The following AFG1L variants were observed in gnomAD, a reference collection of about 807,000 sequenced individuals.
AFG1L encodes the protein AFG1-like ATPase.
Under a neutral mutation model 62.2 loss-of-function variants are expected in AFG1L, and 53 were observed. The ratio of observed to expected loss-of-function variants is 0.85; its 90% confidence interval spans 0.68 to 1.07. The LOEUF (loss-of-function observed/expected upper bound fraction) is 1.07, where lower values mean the gene tolerates loss of function less well. AFG1L is among the 50% of genes least tolerant of loss of function. The pLI is 0.00. For synonymous variants in AFG1L, 228 were observed against 210.3 expected, an observed-to-expected ratio of 1.08 and a Z score of -0.73; for missense variants, 555 against 590.5, an observed-to-expected ratio of 0.94 and a Z score of 0.62.
intron 1 of AFG1L, among the ~76,000 whole-genome samples, chr6:108,316,754 A>G (rs534400229): frequency 7.3e-4 from 111 of 152,032 alleles, no homozygotes; most frequent in Middle Eastern, 6.8e-3. Flanking sequence ...GGATGGTCTC[A>G]ATCTCCTGAC....
intron 10 of AFG1L, among the ~76,000 whole-genome samples, chr6:108,508,978 G>A (rs1354362874): frequency 6.6e-6 from 1 of 152,174 alleles, no homozygotes; most frequent in Non-Finnish European, 1.5e-5. Context: ...AGCTTCCAGA[G>A]GGACTTCAGA....
intron 12 of AFG1L, chr6:108,521,942 C>T (rs1775141226): frequency 5.7e-6 from 1 of 173,934 alleles, no homozygotes; most frequent in Non-Finnish European, 1.2e-5. Flanking sequence ...AGAGGTTTGT[C>T]CTTAGGGCCT....
intron 8 of AFG1L, among the ~76,000 whole-genome samples, chr6:108,450,532 T>C (rs1239802678): frequency 6.6e-6 from 1 of 152,222 alleles, no homozygotes; most frequent in Non-Finnish European, 1.5e-5. Context: ...GCAAAAATTT[T>C]CTCCCATTCT....
chr6:108,305,550 G>A (rs913364027), intron 1 of AFG1L, among the ~76,000 whole-genome samples: 3 of 151,948 alleles, frequency 2.0e-5, no homozygotes, highest in Admixed American at 1.3e-4. Flanking sequence ...CAGTACGCCC[G>A]GCTAATGTTT....
intron 10 of AFG1L, among the ~76,000 whole-genome samples, chr6:108,494,806 T>C (rs1773913899): frequency 6.6e-6 from 1 of 151,480 alleles, no homozygotes; most frequent in Admixed American, 6.6e-5. Context: ...AGTCTTGCTC[T>C]GTCACCCAGG....
At chr6:108,413,554 T>G (rs548236370) in intron 7 of AFG1L, among the ~76,000 whole-genome samples, 1 of 151,474 alleles carries the variant, frequency 6.6e-6, no homozygotes, top group South Asian at 2.1e-4. Flanking sequence ...GAACAGAAAT[T>G]ACAACAAACT....
chr6:108,356,919 T>G lies in AFG1L; in HGVS notation c.648+99T>G, dbSNP rs974880307. The G allele has an allele frequency of 3.9e-6, 4 of 1,037,164 alleles. No homozygotes were observed. The Admixed American group carries it at 7.5e-5, about 19-fold the overall frequency. 64.2% of individuals were successfully genotyped at this position (1,037,164 alleles called of 1,614,324 possible). A position where few individuals can be genotyped will look rare whatever the true frequency, so the allele number is the denominator to read the frequency against. Reference sequence around the variant, plus strand: ...TTTTATCATTGGTTTATAAGGTGATTTGACACATTATCTCTTACTGCTTCA... The same window carrying G: ...TTTTATCATTGGTTTATAAGGTGATGTGACACATTATCTCTTACTGCTTCA... On this transcript the variant is annotated intron_variant, in intron 5 of 12. Coordinates refer to ENST00000368977, the MANE Select transcript of AFG1L (RefSeq NM_145315.5).
intron 7 of AFG1L, among the ~76,000 whole-genome samples, chr6:108,410,081 G>A (rs529065076): frequency 1.3e-5 from 2 of 152,188 alleles, no homozygotes; most frequent in East Asian, 3.9e-4. Context: ...CGAGGCAGGT[G>A]GATTACTTGA....
intron 6 of AFG1L, among the ~76,000 whole-genome samples, chr6:108,370,073 T>C (rs1432138166): frequency 6.6e-6 from 1 of 151,664 alleles, no homozygotes; most frequent in Non-Finnish European, 1.5e-5. Flanking sequence ...AAATGACCCA[T>C]TTGAGGTAGC....
intron 5 of AFG1L, among the ~76,000 whole-genome samples, chr6:108,361,823 C>T (rs550314401): frequency 6.6e-6 from 1 of 152,306 alleles, no homozygotes; most frequent in Non-Finnish European, 1.5e-5. Context: ...CGTTGACCCC[C>T]ACACTTCTGG....
In AFG1L at chr6:108,505,263, T is replaced by A. The variant is rs182738789; in HGVS notation, c.1063-4949T>A. Among the ~76,000 whole-genome samples, 215 of 152,210 alleles carry A rather than the reference T, an allele frequency of 1.4e-3. 3 individuals are homozygous for A. The East Asian group carries it at 0.036, about 25-fold the overall frequency. On this transcript the variant is annotated intron_variant, in intron 10 of 12. Coordinates refer to ENST00000368977, the MANE Select transcript of AFG1L (RefSeq NM_145315.5). Reference sequence around the variant, plus strand: ...CGCCTGCCGCCGCACCCGGCTAATTTTTGTATTTTTAGTAGAGATGGGGTT... The same window carrying A: ...CGCCTGCCGCCGCACCCGGCTAATTATTGTATTTTTAGTAGAGATGGGGTT...
intron 12 of AFG1L, 42 bp from the exon 13 acceptor site, chr6:108,522,255 A>G (rs756211582): frequency 6.3e-7 from 1 of 1,594,784 alleles, no homozygotes; most frequent in Non-Finnish European, 8.6e-7. Context: ...GTAAATTTTC[A>G]TTTGTGATAG....
At chr6:108,428,980 T>C (rs188682291) in intron 7 of AFG1L, among the ~76,000 whole-genome samples, 2 of 152,308 alleles carry the variant, frequency 1.3e-5, no homozygotes, top group African/African-American at 2.4e-5. Context: ...TTTGGGGTCT[T>C]AGTCATAAAT....
chr6:108,422,469 G>T (rs1770632832), intron 7 of AFG1L, among the ~76,000 whole-genome samples: 6 of 25,148 alleles, frequency 2.4e-4, no homozygotes, highest in South Asian at 1.5e-3. Flanking sequence ...TTTAAAATTA[G>T]TCCTCAGCAA....
chr6:108,330,178 TTTTA>T (rs1562478814), intron 2 of AFG1L, among the ~76,000 whole-genome samples: 2 of 81,030 alleles, frequency 2.5e-5, no homozygotes, highest in Non-Finnish European at 7.4e-5. Flanking sequence ...TAAATTCCTT[TTTTA>T]TTTTTTTTTT....
At position 108,416,191 on chromosome 6, in the gene AFG1L, C is replaced by T. The variant is rs533335713; in HGVS notation, c.807+14137C>T. ...AAAAAATGCTCATCATCATTGGCCACGAGAGAAATGCAAATCCAAACCACA... is the reference window on the plus strand; with the variant it reads ...AAAAAATGCTCATCATCATTGGCCATGAGAGAAATGCAAATCCAAACCACA... On this transcript the variant is annotated intron_variant, in intron 7 of 12. Coordinates refer to ENST00000368977, the MANE Select transcript of AFG1L (RefSeq NM_145315.5). Among the ~76,000 whole-genome samples the T allele has an allele frequency of 8.5e-5, 13 of 152,216 alleles. No homozygotes were observed. The South Asian group carries it at 1.2e-3, about 15-fold the overall frequency.
chr6:108,402,449 G>A (rs981221766), intron 7 of AFG1L, among the ~76,000 whole-genome samples: 17 of 147,612 alleles, frequency 1.2e-4, no homozygotes, highest in Admixed American at 1.1e-3. Flanking sequence ...GGGTGACAGG[G>A]CGAGACGCCG....
chr6:108,435,737 C>T (rs553554129), intron 7 of AFG1L, among the ~76,000 whole-genome samples: 41 of 152,186 alleles, frequency 2.7e-4, no homozygotes, highest in African/African-American at 7.2e-4. Context: ...AAAATCCTGC[C>T]GTTTTCTCAG....
intron 8 of AFG1L, among the ~76,000 whole-genome samples, chr6:108,454,479 C>T (rs147041866): frequency 6.6e-6 from 1 of 152,264 alleles, no homozygotes; most frequent in Non-Finnish European, 1.5e-5. Flanking sequence ...TTTATACCCT[C>T]CTGGTAAGTC....
Sources: allele counts gnomAD v4.1 joint callset (sites outside exome capture counted in the v4.1 genomes callset), GRCh38; gene constraint gnomAD v4.1.1; transcripts MANE v1.5; gene names NCBI Gene and HGNC (gene_info 2026-07-23, HGNC 2026-07-21).